BPIFB4: variants seen among roughly 807,000 people sequenced by gnomAD.
BPIFB4 encodes BPI fold containing family B member 4, also known as BPI fold-containing family B member 4.
A neutral mutation model predicts 69.2 loss-of-function variants in BPIFB4; 62 were observed. The observed-to-expected ratio is 0.90, with a 90% CI of 0.73 to 1.11. BPIFB4 has a LOEUF of 1.11. Ranked by LOEUF, BPIFB4 falls within the 50% of genes least tolerant of loss-of-function variation. The pLI is 0.00. For synonymous variants in BPIFB4, 330 were observed against 332.7 expected, an observed-to-expected ratio of 0.99 and a Z score of 0.09; for missense variants, 789 against 792.0, an observed-to-expected ratio of 1.00 and a Z score of 0.04.
rs146005184 is a variant in BPIFB4, at chr20:33,092,181, A to G, written c.1144-277A>G. Among the ~76,000 whole-genome samples the G allele has an allele frequency of 3.3e-3, 496 of 152,318 alleles. 5 individuals carry two copies. The highest frequency in any genetic ancestry group is 3.9e-3 in the Non-Finnish European group (266 of 68,016). ...GGGTAGATATGCATTGTACAGATGC[A>G]TACATATGCTAGTTCATCACTGCAG... On this transcript the variant is annotated intron_variant, in intron 10 of 17. Coordinates refer to ENST00000375483, the MANE Select transcript of BPIFB4 (RefSeq NM_182519.3).
At position 33,111,442 on chromosome 20, in the gene BPIFB4, C is replaced by T; in HGVS notation, c.*5C>T. 1.2e-6 allele frequency: 2 copies of T among 1,614,046 alleles called. No individual in the cohort carries two copies. The highest frequency in any genetic ancestry group is 1.7e-6 in the Non-Finnish European group (2 of 1,179,950). On this transcript the variant is annotated 3_prime_UTR_variant, in exon 18 of 18. Coordinates refer to ENST00000375483, the MANE Select transcript of BPIFB4 (RefSeq NM_182519.3). ...CTTTTGGTGCTGAGCGCATGAGTGACAGAGGCAGAGATGCTGCTGCAACTG... is the reference window on the plus strand; with the variant it reads ...CTTTTGGTGCTGAGCGCATGAGTGATAGAGGCAGAGATGCTGCTGCAACTG...
At chr20:33,097,121 G>A (rs1463504065) in intron 12 of BPIFB4, among the ~76,000 whole-genome samples, 1 of 152,174 alleles carries the variant, frequency 6.6e-6, no homozygotes, top group Non-Finnish European at 1.5e-5. Context: ...ACAGTGTTCA[G>A]AGGCATTGGG....
Position 33,111,737 on chromosome 20 carries a change from T to A in BPIFB4, c.*300T>A. The A allele has an allele frequency of 5.2e-6, 2 of 386,964 alleles. No individual in the cohort carries two copies. Among genetic ancestry groups the A allele is most frequent in the Non-Finnish European group, 9.6e-6 (2 of 209,362 alleles). The allele number at this position is 386,964 out of a possible 1,614,324, so 24.0% of individuals were successfully genotyped here. ...AGTATTCCCACTTTCAATAAAAGACTCCACTTTCCCGGCACTTGTGACGAG... is the reference window on the plus strand; with the variant it reads ...AGTATTCCCACTTTCAATAAAAGACACCACTTTCCCGGCACTTGTGACGAG... On this transcript the variant is annotated 3_prime_UTR_variant, in exon 18 of 18. Coordinates refer to ENST00000375483, the MANE Select transcript of BPIFB4 (RefSeq NM_182519.3).
intron 13 of BPIFB4, among the ~76,000 whole-genome samples, chr20:33,099,855 T>C (rs977113518): frequency 2.0e-5 from 3 of 152,192 alleles, no homozygotes; most frequent in Non-Finnish European, 2.9e-5. Flanking sequence ...AAGCCAACTT[T>C]TAAATTCAAT....
intron 4 of BPIFB4, 134 bp from the exon 5 acceptor site, chr20:33,083,233 G>A: frequency 2.6e-6 from 2 of 763,842 alleles, no homozygotes; most frequent in Non-Finnish European, 3.9e-6. Context: ...GCAGTGGTGG[G>A]GGGCTGCTGG....
intron 9 of BPIFB4, 74 bp downstream of exon 9, chr20:33,089,632 G>A: frequency 3.1e-6 from 5 of 1,610,030 alleles, no homozygotes; most frequent in Non-Finnish European, 3.4e-6. Context: ...AGGGCTCAAT[G>A]TGGTGGGGGC....
intron 12 of BPIFB4, among the ~76,000 whole-genome samples, chr20:33,096,204 AC>A (rs2146410735): frequency 6.6e-6 from 1 of 152,202 alleles, no homozygotes; most frequent in East Asian, 1.9e-4. Context: ...AATCAACTGG[AC>A]CTTTTATTTA....
intron 11 of BPIFB4, among the ~76,000 whole-genome samples, chr20:33,093,936 G>A (rs1981684565): frequency 6.6e-6 from 1 of 152,138 alleles, no homozygotes; most frequent in Admixed American, 6.6e-5. Flanking sequence ...TGATCTGTCT[G>A]TCTGTCTCTC....
chr20:33,080,712 T>C (rs1981202434), intron 2 of BPIFB4, 136 bp downstream of exon 2: 1 of 152,380 alleles, frequency 6.6e-6, no homozygotes, highest in African/African-American at 2.4e-5. Flanking sequence ...TGTGGAAGGG[T>C]GGCTAGATGA....
chr20:33,093,368 TATCCAGCC>T (rs142842864), intron 11 of BPIFB4, among the ~76,000 whole-genome samples: 147 of 150,336 alleles, frequency 9.8e-4, no homozygotes, highest in African/African-American at 3.4e-3. Context: ...TCCATCTATC[TATCCAGCC>T]ATCCAGCCAT....
chr20:33,085,128 A>G, intron 6 of BPIFB4, 132 bp downstream of exon 6: 1 of 1,466,660 alleles, frequency 6.8e-7, no homozygotes, highest in South Asian at 1.4e-5. Context: ...GCCATCTGTC[A>G]GCGGTGAAAA....
chr20:33,100,874 G>A (rs544983715), intron 14 of BPIFB4, among the ~76,000 whole-genome samples: 1 of 152,014 alleles, frequency 6.6e-6, no homozygotes, highest in African/African-American at 2.4e-5. Context: ...AATTAGCTGG[G>A]CATAGGTACA....
Position 33,103,543 on chromosome 20 carries a change from C to T in BPIFB4, c.1680+529C>T, listed in dbSNP as rs551846535. The stretch of plus-strand genomic sequence containing the variant: ...GAAATCTGAGATGCTCACATTCTAG[C>T]GTTGGGTCCTGTTTTATCTCTTTGT... On this transcript the variant is annotated intron_variant, in intron 15 of 17. Coordinates refer to ENST00000375483, the MANE Select transcript of BPIFB4 (RefSeq NM_182519.3). 2.6e-5 allele frequency among the ~76,000 whole-genome samples: 4 copies of T among 152,330 alleles called. No individual in the cohort carries two copies. In the South Asian group the frequency reaches 6.2e-4, roughly 24 times the overall value.
chr20:33,092,033 G>A (rs1981613987), intron 10 of BPIFB4, among the ~76,000 whole-genome samples: 1 of 152,172 alleles, frequency 6.6e-6, no homozygotes, highest in Non-Finnish European at 1.5e-5. Context: ...TGGGGAGACT[G>A]CAAAGGCCCT....
At chr20:33,092,194 TTCA>T (rs1981619138) in intron 10 of BPIFB4, among the ~76,000 whole-genome samples, 1 of 152,194 alleles carries the variant, frequency 6.6e-6, no homozygotes, top group South Asian at 2.1e-4. Flanking sequence ...CATATGCTAG[TTCA>T]TCACTGCAGG....
rs1981420199 is a variant in BPIFB4, at chr20:33,086,109, G to T, written c.871G>T (p.Val291Phe). The T allele has an allele frequency of 6.2e-7, 1 of 1,613,326 alleles. No homozygotes were observed. The highest frequency in any genetic ancestry group is 1.7e-5 in the Admixed American group (1 of 59,994). The change falls in exon 7 of 18, where the codon GTC becomes TTC. Residue 291 changes from valine to phenylalanine, a missense_variant. Around this residue, in one of 3 missense-constraint regions of BPIFB4, gnomAD observed 611 missense variants for 575.4 expected, o/e 1.06. Coordinates refer to ENST00000375483, the MANE Select transcript of BPIFB4 (RefSeq NM_182519.3). ...GGACCGCACGGGTTATCCTCGGCTG[G>T]TCATTGAGCGATGTGACACCCTCCT... is the stretch of plus-strand genomic sequence containing the variant. ...TMDRTGYPRL[V>F]IERCDTLLGG...
At chr20:33,081,883 C>T (rs1158054586) in intron 3 of BPIFB4, among the ~76,000 whole-genome samples, 1 of 152,200 alleles carries the variant, frequency 6.6e-6, no homozygotes, top group African/African-American at 2.4e-5. Flanking sequence ...TGATTAAGAG[C>T]CCTGGATCAG....
intron 9 of BPIFB4, among the ~76,000 whole-genome samples, chr20:33,090,082 C>T (rs931321510): frequency 5.9e-5 from 9 of 152,234 alleles, no homozygotes; most frequent in African/African-American, 2.2e-4. Context: ...ATGGCTGTGC[C>T]ATTTGTGCAC....
intron 12 of BPIFB4, among the ~76,000 whole-genome samples, chr20:33,095,411 C>T (rs370162643): frequency 1.3e-5 from 2 of 152,194 alleles, no homozygotes; most frequent in African/African-American, 2.4e-5. Flanking sequence ...CCTAGCCTGG[C>T]CACTTCCCTT....
Sources: gnomAD v4.1 joint callset for allele counts (sites outside exome capture counted in the v4.1 genomes callset) on GRCh38, gnomAD v4.1.1 for gene constraint, gnomAD v4.1.1 regional missense constraint, MANE v1.5 for transcripts, NCBI Gene and HGNC (gene_info 2026-07-23, HGNC 2026-07-21) for gene names.